The following CDH2 variants were observed in gnomAD, a reference collection of about 807,000 sequenced individuals.
CDH2 encodes cadherin-2.
A neutral mutation model predicts 92.0 loss-of-function variants in CDH2; 17 were observed. The observed-to-expected ratio is 0.18, with a 90% CI of 0.13 to 0.28. The LOEUF (loss-of-function observed/expected upper bound fraction) is 0.28. CDH2 is among the 10% of genes least tolerant of loss of function. CDH2 has a pLI of 1.00. For missense variants in CDH2, 862 were observed against 1,133.1 expected (o/e 0.76, Z 3.44); for synonymous variants, 419 against 415.9 (o/e 1.01, Z -0.09).
chr18:27,971,136 T>A (rs537502230), intron 14 of CDH2, among the ~76,000 whole-genome samples: 1 of 152,074 alleles, frequency 6.6e-6, no homozygotes, highest in African/African-American at 2.4e-5. Context: ...CTCAAGAGGC[T>A]GAGGCAGGAG....
chr18:27,941,065 T>A (rs778246312), intron 6 of CDH2, among the ~76,000 whole-genome samples: 2 of 144,380 alleles, frequency 1.4e-5, no homozygotes, highest in Non-Finnish European at 3.0e-5. Context: ...AGAAGGAGTC[T>A]CGCTCTGTCG....
chr18:27,946,960 A>C (rs951123681), downstream of CDH2, among the ~76,000 whole-genome samples: 7 of 152,062 alleles, frequency 4.6e-5, no homozygotes, highest in East Asian at 1.4e-3. Flanking sequence ...AGTGAAGTAT[A>C]AACTGGTATC....
At position 28,013,786 on chromosome 18, in the gene CDH2, T is replaced by C. The variant is rs113785794; in HGVS notation, c.296A>G (p.His99Arg). The C allele has an allele frequency of 1.8e-5, 29 of 1,614,082 alleles. 1 individual carries two copies. The African/African-American group carries it at 3.1e-4, about 17-fold the overall frequency. ...AVRSFPLSSEHAKFLIYAQDK... is the reference protein window; with the variant it reads ...AVRSFPLSSERAKFLIYAQDK... Reference sequence around the variant, plus strand: ...TTGGGCATATATCAGGAACTTGGCATGCTCAGAAGAGAGTGGAAAGCTTCT... The same window carrying C: ...TTGGGCATATATCAGGAACTTGGCACGCTCAGAAGAGAGTGGAAAGCTTCT... Residue 99 changes from histidine to arginine, a missense_variant, in exon 3 of 16, where the codon CAT becomes CGT. Physicochemically the swap from His to Arg is conservative, Grantham distance 29 (BLOSUM62 0). Coordinates refer to ENST00000269141, the MANE Select transcript of CDH2 (RefSeq NM_001792.5).
At chr18:28,134,135 C>CAAAAAA (rs34083301) in intron 2 of CDH2, among the ~76,000 whole-genome samples, 1 of 91,570 alleles carries the variant, frequency 1.1e-5, no homozygotes, top group African/African-American at 4.3e-5. Flanking sequence ...ACTAAATTTA[C>CAAAAAA]AAAAAAAAAA....
chr18:28,073,423 G>GT (rs2014658799), intron 2 of CDH2, among the ~76,000 whole-genome samples: 1 of 143,546 alleles, frequency 7.0e-6, no homozygotes. Flanking sequence ...TTAGTTGATT[G>GT]TTTTTTCCTT....
chr18:28,064,033 A>G (rs993585519), intron 2 of CDH2, among the ~76,000 whole-genome samples: 5 of 152,158 alleles, frequency 3.3e-5, no homozygotes, highest in African/African-American at 1.2e-4. Context: ...AGGCGTTAAC[A>G]ACCAAAACAA....
At chr18:28,174,689 G>C (rs1378118124) in intron 1 of CDH2, among the ~76,000 whole-genome samples, 1 of 152,150 alleles carries the variant, frequency 6.6e-6, no homozygotes, top group Non-Finnish European at 1.5e-5. Context: ...CTGACTTCAA[G>C]GCAGATGACT....
intron 5 of CDH2, among the ~76,000 whole-genome samples, chr18:28,009,397 T>C (rs2013031521): frequency 6.6e-6 from 1 of 152,186 alleles, no homozygotes; most frequent in Admixed American, 6.5e-5. Context: ...ATGTAACAGA[T>C]TTGACTCCAT....
downstream of CDH2, among the ~76,000 whole-genome samples, chr18:27,949,650 CAT>C (rs1246538499): frequency 1.1e-4 from 16 of 151,774 alleles, no homozygotes; most frequent in Non-Finnish European, 1.8e-4. Context: ...TCATTATGGA[CAT>C]GTGTGTGTAA....
At chr18:28,027,751 C>G (rs1285494777) in intron 2 of CDH2, among the ~76,000 whole-genome samples, 1 of 151,974 alleles carries the variant, frequency 6.6e-6, no homozygotes, top group East Asian at 1.9e-4. Context: ...CTCCAGGCAT[C>G]TCTATGCTAC....
chr18:28,049,606 T>C (rs770613021), intron 2 of CDH2, among the ~76,000 whole-genome samples: 3 of 152,260 alleles, frequency 2.0e-5, no homozygotes, highest in African/African-American at 4.8e-5. Flanking sequence ...GGCATATTGA[T>C]CATAAGGAAA....
chr18:27,998,633 A>T (rs1379517633), intron 7 of CDH2, among the ~76,000 whole-genome samples: 1 of 152,142 alleles, frequency 6.6e-6, no homozygotes, highest in Non-Finnish European at 1.5e-5. Context: ...TGTTCTTGAG[A>T]CAGGGTCTCA....
intron 2 of CDH2, among the ~76,000 whole-genome samples, chr18:28,147,254 G>A (rs549478831): frequency 9.9e-5 from 15 of 151,932 alleles, no homozygotes; most frequent in South Asian, 4.2e-4. Flanking sequence ...AAAGCTTCAC[G>A]TTTTATCTAA....
intron 2 of CDH2, among the ~76,000 whole-genome samples, chr18:28,031,239 C>T (rs1017393525): frequency 6.6e-6 from 1 of 151,912 alleles, no homozygotes; most frequent in African/African-American, 2.4e-5. Context: ...GCTCAGGCTA[C>T]AAGTCTAGGA....
At chr18:28,107,011 T>C (rs959383284) in intron 2 of CDH2, among the ~76,000 whole-genome samples, 38 of 152,180 alleles carry the variant, frequency 2.5e-4, no homozygotes, top group Non-Finnish European at 1.5e-4. Context: ...TGTGAGATGA[T>C]GAGAAACTTG....
intron 1 of CDH2, among the ~76,000 whole-genome samples, chr18:28,166,635 G>A (rs1315607832): frequency 6.6e-6 from 1 of 152,054 alleles, no homozygotes; most frequent in Non-Finnish European, 1.5e-5. Context: ...GCAAAAGCAA[G>A]TGAAATACAA....
chr18:27,961,837 G>C (rs1423131293), intron 15 of CDH2, among the ~76,000 whole-genome samples: 1 of 151,910 alleles, frequency 6.6e-6, no homozygotes. Context: ...CAGTGGCTCA[G>C]GCCTGTAATC....
intron 14 of CDH2, among the ~76,000 whole-genome samples, chr18:27,976,423 TG>T (rs2011832019): frequency 6.6e-6 from 1 of 152,212 alleles, no homozygotes; most frequent in Admixed American, 6.5e-5. Context: ...AGGAAGCTGC[TG>T]GATGTTCCAG....
chr18:27,964,168 T>A (rs943091076), intron 14 of CDH2, among the ~76,000 whole-genome samples: 2 of 152,212 alleles, frequency 1.3e-5, no homozygotes, highest in African/African-American at 4.8e-5. Context: ...GAGGAAAAGT[T>A]TGCTGACCTC....
Sources: gnomAD v4.1 joint callset for allele counts (sites outside exome capture counted in the v4.1 genomes callset) on GRCh38, gnomAD v4.1.1 for gene constraint, MANE v1.5 for transcripts, NCBI Gene and HGNC (gene_info 2026-07-23, HGNC 2026-07-21) for gene names.